Variants in PDXDC1 observed in about 807,000 individuals in gnomAD.
PDXDC1 encodes the protein pyridoxal-dependent decarboxylase domain-containing protein 1.
In PDXDC1, 42 loss-of-function variants were observed where a neutral mutation model predicts 100.1. The ratio of observed to expected loss-of-function variants is 0.42; its 90% CI spans 0.33 to 0.54. The LOEUF (loss-of-function observed/expected upper bound fraction) is 0.54, where lower values mean the gene tolerates loss of function less well. Ranked by LOEUF, PDXDC1 falls within the 20% of genes least tolerant of loss-of-function variation. PDXDC1 has a pLI of 0.10. For synonymous variants in PDXDC1, 260 were observed against 371.7 expected, an observed-to-expected ratio of 0.70 and a Z score of 3.46; for missense variants, 636 against 979.2, an observed-to-expected ratio of 0.65 and a Z score of 4.68.
chr16:15,047,445 C>CCA, intron 16 of PDXDC1: 2 of 1,591,502 alleles, frequency 1.3e-6, no homozygotes, highest in Non-Finnish European at 1.7e-6. Flanking sequence ...ATCTCACCTT[C>CCA]CACATTGAGC....
intron 16 of PDXDC1, among the ~76,000 whole-genome samples, chr16:15,105,118 T>A (rs1311178122): frequency 8.9e-6 from 1 of 112,788 alleles, no homozygotes; most frequent in African/African-American, 3.2e-5. Context: ...CTCACAGCCA[T>A]CACCAGAGCA....
At chr16:14,997,729 T>C in intron 1 of PDXDC1, 24 bp from the exon 2 acceptor site, 1 of 1,569,232 alleles carries the variant, frequency 6.4e-7, no homozygotes, top group South Asian at 1.2e-5. Flanking sequence ...TTAAAATTTC[T>C]TTCTTTTTTT....
chr16:15,104,544 G>A lies in PDXDC1; in HGVS notation c.1400-34335G>A, dbSNP rs543842154. ...GTGGAAGGGGAGTGAGCAGACACTC[G>A]GAGGTGTCTTGAGATTATCATCCGC... On this transcript the variant is annotated intron_variant, in intron 16 of 16. Coordinates refer to the PDXDC1 transcript ENST00000535621. 5.4e-5 allele frequency: 85 copies of A among 1,559,654 alleles called. 7 individuals carry two copies. The African/African-American group carries it at 1.3e-3, about 23-fold the overall frequency.
chr16:15,131,104 T>C, intron 16 of PDXDC1: 7 of 1,607,420 alleles, frequency 4.4e-6, no homozygotes, highest in South Asian at 3.3e-5. Flanking sequence ...CAGCGTATAG[T>C]TGAGCTGCAG....
downstream of PDXDC1, chr16:15,041,620 T>TA (rs2043819870): frequency 6.2e-7 from 1 of 1,607,456 alleles, no homozygotes; most frequent in Non-Finnish European, 8.5e-7. Context: ...TGGCAGGACT[T>TA]ACCTGTCACA....
At chr16:15,146,154 C>T in the PDXDC1 span, among the ~76,000 whole-genome samples, 3 of 152,176 alleles carry the variant, frequency 2.0e-5, no homozygotes, top group Non-Finnish European at 4.4e-5. Flanking sequence ...CACACGTGGG[C>T]CAGGATGGCA....
intron 20 of PDXDC1, 22 bp from the exon 21 acceptor site, chr16:15,034,435 G>C (rs1415226568): frequency 1.2e-6 from 2 of 1,613,746 alleles, no homozygotes; most frequent in African/African-American, 2.7e-5. Flanking sequence ...AGGTGGCCCT[G>C]AACTCTGGTC....
intron 16 of PDXDC1, among the ~76,000 whole-genome samples, chr16:15,099,435 A>AG (rs2046467520): frequency 6.6e-6 from 1 of 151,398 alleles, no homozygotes; most frequent in South Asian, 2.1e-4. Flanking sequence ...AAAAAAAAAA[A>AG]AAAAAAAAAG....
At chr16:15,125,762 C>T (rs1433485467) in intron 16 of PDXDC1, 5 of 1,518,000 alleles carry the variant, frequency 3.3e-6, no homozygotes, top group Non-Finnish European at 3.6e-6. Context: ...CTGTCGATGT[C>T]CAGCACCTGC....
At chr16:15,070,999 T>A (rs1241631944) in intron 16 of PDXDC1, 1 of 765,136 alleles carries the variant, frequency 1.3e-6, no homozygotes, top group Non-Finnish European at 2.1e-6. Flanking sequence ...TTGCACAGAG[T>A]AGGGATTTTA....
chr16:15,010,795 C>T (rs1484029841), intron 8 of PDXDC1, among the ~76,000 whole-genome samples: 1 of 152,386 alleles, frequency 6.6e-6, no homozygotes, highest in African/African-American at 2.4e-5. Context: ...TTTTTACATA[C>T]TAGCAAAGAA....
At chr16:15,044,416 G>C in intron 16 of PDXDC1, 1 of 1,605,994 alleles carries the variant, frequency 6.2e-7, no homozygotes, top group South Asian at 1.1e-5. Context: ...GCCTGGCAAA[G>C]AGATGAGACG....
At chr16:14,988,308 C>T (rs1182439382) in intron 1 of PDXDC1, 13 of 1,613,716 alleles carry the variant, frequency 8.1e-6, no homozygotes, top group East Asian at 2.2e-5. Context: ...GGCTCCAGGC[C>T]CACAGTACTC....
intron 1 of PDXDC1, among the ~76,000 whole-genome samples, chr16:14,992,667 A>G (rs548189742): frequency 3.3e-3 from 501 of 152,220 alleles, no homozygotes; most frequent in Admixed American, 6.4e-3. Context: ...ATTACCTTGT[A>G]AGCCCTTGTG....
At chr16:15,147,588 G>A in the PDXDC1 span, among the ~76,000 whole-genome samples, 3 of 152,024 alleles carry the variant, frequency 2.0e-5, no homozygotes, top group Non-Finnish European at 2.9e-5. Context: ...GTGCAATGGT[G>A]CAATCTTGCC....
intron 16 of PDXDC1, among the ~76,000 whole-genome samples, chr16:15,082,659 G>A (rs1024392941): frequency 2.6e-5 from 4 of 151,634 alleles, no homozygotes; most frequent in Non-Finnish European, 4.4e-5. Context: ...GGTGACAGAC[G>A]GAGACTGTCC....
At chr16:15,125,855 A>C (rs2047686307) in intron 16 of PDXDC1, 6 of 888,100 alleles carry the variant, frequency 6.8e-6, no homozygotes, top group Non-Finnish European at 1.1e-5. Context: ...AGACCTGCTC[A>C]GGACCTGGAT....
rs74563784 is a variant in PDXDC1, at chr16:15,034,389, C to G, written c.1905+11C>G. On this transcript the variant is annotated intron_variant, in intron 20 of 22. Transcript: ENST00000396410. ...CGGCTTCTGGAAGAGGTGAGGCCCCCGATGGGCAGCAGGCTGGGGGAGCCG... is the reference window on the plus strand; with the variant it reads ...CGGCTTCTGGAAGAGGTGAGGCCCCGGATGGGCAGCAGGCTGGGGGAGCCG... 2.5e-6 allele frequency: 4 copies of G among 1,613,278 alleles called. No individual in the cohort carries two copies. The highest frequency in any genetic ancestry group is 1.1e-5 in the South Asian group (1 of 91,058).
At chr16:15,055,539 C>T (rs1272816262) in intron 16 of PDXDC1, among the ~76,000 whole-genome samples, 1 of 152,216 alleles carries the variant, frequency 6.6e-6, no homozygotes, top group Non-Finnish European at 1.5e-5. Context: ...GGCGGGCGGC[C>T]GGATTTGCCT....
Sources: allele counts gnomAD v4.1 joint callset (sites outside exome capture counted in the v4.1 genomes callset), GRCh38; gene constraint gnomAD v4.1.1; transcripts MANE v1.5; gene names NCBI Gene and HGNC (gene_info 2026-07-23, HGNC 2026-07-21).